LRMDA: variants seen among roughly 807,000 people sequenced by gnomAD.
LRMDA encodes the protein leucine rich melanocyte differentiation associated.
In LRMDA, 18 loss-of-function variants were observed where a neutral mutation model predicts 29.8. The ratio of observed to expected loss-of-function variants is 0.60; its 90% CI spans 0.42 to 0.90. LRMDA has a LOEUF of 0.90. LRMDA is among the 40% of genes least tolerant of loss of function. The pLI is 0.00. For synonymous variants in LRMDA, 125 were observed against 109.4 expected (o/e 1.14, Z -0.89); for missense variants, 273 against 273.9 (o/e 1.00, Z 0.02).
At chr10:75,536,731 A>T (rs901486583) in intron 2 of LRMDA, among the ~76,000 whole-genome samples, 6 of 151,632 alleles carry the variant, frequency 4.0e-5, no homozygotes, top group Non-Finnish European at 5.9e-5. Flanking sequence ...TAATTCTTAA[A>T]TTTTTTTTGT....
chr10:75,836,256 T>C (rs1022520629), intron 2 of LRMDA, among the ~76,000 whole-genome samples: 2 of 152,194 alleles, frequency 1.3e-5, no homozygotes, highest in Admixed American at 6.5e-5. Flanking sequence ...CACAGAAGGC[T>C]GCTGCAGCCA....
chr10:76,075,877 C>G (rs1848948306), intron 5 of LRMDA, among the ~76,000 whole-genome samples: 1 of 152,194 alleles, frequency 6.6e-6, no homozygotes, highest in East Asian at 1.9e-4. Flanking sequence ...CAAATCCCCA[C>G]TCTCCCATTG....
intron 6 of LRMDA, among the ~76,000 whole-genome samples, chr10:76,344,782 G>T (rs1003362906): frequency 3.3e-5 from 5 of 151,562 alleles, no homozygotes; most frequent in African/African-American, 4.8e-5. Context: ...AATAGGTAGG[G>T]AAAAGATGGG....
At chr10:75,620,545 G>A (rs1841167893) in intron 2 of LRMDA, among the ~76,000 whole-genome samples, 1 of 152,120 alleles carries the variant, frequency 6.6e-6, no homozygotes. Flanking sequence ...GGAGGTTGAT[G>A]CCTTGTGATC....
chr10:75,572,339 CT>C (rs1257556868), intron 2 of LRMDA, among the ~76,000 whole-genome samples: 2,251 of 145,668 alleles, frequency 0.015, 47 homozygotes, highest in African/African-American at 0.049. Flanking sequence ...TCTTTTTCAG[CT>C]TTTTTTTTTT....
Position 75,621,221 on chromosome 10 carries a change from CACA to C in LRMDA, c.131+182728_131+182730del, listed in dbSNP as rs1564524615. 9.0e-5 allele frequency among the ~76,000 whole-genome samples: 12 copies of C among 133,186 alleles called. No individual in the cohort carries two copies. In the East Asian group the frequency reaches 1.5e-3, roughly 16 times the overall value. 87.4% of individuals were successfully genotyped at this position (133,186 alleles called of 152,430 possible). A position where few individuals can be genotyped will look rare whatever the true frequency, so the allele number is the denominator to read the frequency against. ...CATTACACACACACACACACACACA[CACA>C]CCCACACACCCACACACACACCACA... On this transcript the variant is annotated intron_variant, in intron 2 of 6. Transcript: ENST00000611255.
intron 2 of LRMDA, among the ~76,000 whole-genome samples, chr10:75,561,332 G>A (rs971411035): frequency 1.5e-4 from 23 of 148,592 alleles, no homozygotes; most frequent in African/African-American, 5.1e-4. Context: ...AGAGGTGTTT[G>A]TAGTATTCTC....
At chr10:76,124,246 C>T (rs1335579032) in intron 5 of LRMDA, among the ~76,000 whole-genome samples, 1 of 152,216 alleles carries the variant, frequency 6.6e-6, no homozygotes, top group Non-Finnish European at 1.5e-5. Flanking sequence ...CCCTTGGTAA[C>T]TATTTCTCAG....
chr10:75,470,126 C>A (rs1282740384), intron 2 of LRMDA, among the ~76,000 whole-genome samples: 1 of 152,206 alleles, frequency 6.6e-6, no homozygotes, highest in African/African-American at 2.4e-5. Context: ...AGGTCAGAAA[C>A]CCTTTTGTAT....
chr10:76,309,217 C>T (rs1197075522), intron 5 of LRMDA, among the ~76,000 whole-genome samples: 8 of 152,022 alleles, frequency 5.3e-5, no homozygotes, highest in East Asian at 1.9e-4. Context: ...GTTTGATCAG[C>T]GGGGAGGAGG....
chr10:76,508,008 A>G (rs372858253), intron 6 of LRMDA, among the ~76,000 whole-genome samples: 2 of 152,214 alleles, frequency 1.3e-5, no homozygotes, highest in East Asian at 1.9e-4. Flanking sequence ...AATACTAGCC[A>G]ATTATTTTAT....
intron 2 of LRMDA, among the ~76,000 whole-genome samples, chr10:75,761,520 CA>C (rs1843094157): frequency 6.6e-6 from 1 of 152,050 alleles, no homozygotes; most frequent in African/African-American, 2.4e-5. Context: ...TAGAGGTTAT[CA>C]GGGGCTGGGG....
intron 2 of LRMDA, among the ~76,000 whole-genome samples, chr10:75,983,021 G>A (rs1411988536): frequency 2.6e-5 from 4 of 152,158 alleles, no homozygotes; most frequent in Admixed American, 2.6e-4. Context: ...GACCAGGCAG[G>A]GATGTAAATG....
chr10:76,011,338 G>T (rs1349450658), intron 2 of LRMDA, among the ~76,000 whole-genome samples: 6 of 152,228 alleles, frequency 3.9e-5, no homozygotes, highest in Non-Finnish European at 7.3e-5. Context: ...CCACCCAGAA[G>T]AATGAGGAGA....
intron 2 of LRMDA, among the ~76,000 whole-genome samples, chr10:75,585,389 C>T (rs1840644306): frequency 6.6e-6 from 1 of 152,178 alleles, no homozygotes; most frequent in African/African-American, 2.4e-5. Context: ...TTTTAAAAAG[C>T]TAATCTGGAA....
In LRMDA at chr10:76,402,814, C is replaced by A. The variant is rs192732278; in HGVS notation, c.601+78329C>A. ...TGCATTTTCTACCTTAATTTAATTC[C>A]TTTTTCTTTGTCAACATAGCTATTC... On this transcript the variant is annotated intron_variant, in intron 6 of 6. Coordinates refer to ENST00000611255, the MANE Select transcript of LRMDA (RefSeq NM_001305581.2). Among the ~76,000 whole-genome samples the A allele has an allele frequency of 3.4e-4, 52 of 152,246 alleles. 1 individual carries two copies. The East Asian group carries it at 7.2e-3, about 21-fold the overall frequency.
At chr10:76,298,128 T>C (rs1336865828) in intron 5 of LRMDA, among the ~76,000 whole-genome samples, 3 of 152,234 alleles carry the variant, frequency 2.0e-5, no homozygotes, top group Admixed American at 2.0e-4. Context: ...GTTTAACTTG[T>C]GATCACTGAT....
At chr10:76,081,086 G>C (rs937479679) in intron 5 of LRMDA, among the ~76,000 whole-genome samples, 4 of 152,170 alleles carry the variant, frequency 2.6e-5, no homozygotes, top group African/African-American at 4.8e-5. Flanking sequence ...GAATGGCCCT[G>C]GTGACACCTT....
intron 5 of LRMDA, among the ~76,000 whole-genome samples, chr10:76,095,016 A>T (rs542553131): frequency 3.9e-5 from 6 of 152,318 alleles, no homozygotes; most frequent in Admixed American, 2.0e-4. Context: ...CTTAGTGTAG[A>T]GTTCCATGAA....
Sources: allele counts gnomAD v4.1 joint callset (sites outside exome capture counted in the v4.1 genomes callset), GRCh38; gene constraint gnomAD v4.1.1; transcripts MANE v1.5; gene names NCBI Gene and HGNC (gene_info 2026-07-23, HGNC 2026-07-21).